Variants in NELL1 observed in about 807,000 individuals in gnomAD.
The protein encoded by NELL1 is protein kinase C-binding protein NELL1.
Under a neutral mutation model 107.4 loss-of-function variants are expected in NELL1, and 76 were observed. The observed-to-expected ratio is 0.71, with a 90% CI of 0.59 to 0.86. The LOEUF (loss-of-function observed/expected upper bound fraction) is 0.86, where lower values mean the gene tolerates loss of function less well. NELL1 is among the 40% of genes least tolerant of loss of function. The probability of loss-of-function intolerance (pLI) is 0.00; values close to 1 mark genes in which losing one functional copy is unlikely to be tolerated. For synonymous variants in NELL1, 353 were observed against 341.2 expected, an observed-to-expected ratio of 1.03 and a Z score of -0.38; for missense variants, 1,024 against 1,005.5, an observed-to-expected ratio of 1.02 and a Z score of -0.25.
At chr11:21,207,919 A>G (rs1857423001) in intron 13 of NELL1, among the ~76,000 whole-genome samples, 2 of 152,204 alleles carry the variant, frequency 1.3e-5, no homozygotes, top group African/African-American at 4.8e-5. Flanking sequence ...TTTGTTGTGT[A>G]TAAGTTATAC....
At chr11:21,150,602 A>G (rs1856093068) in intron 13 of NELL1, among the ~76,000 whole-genome samples, 1 of 152,206 alleles carries the variant, frequency 6.6e-6, no homozygotes, top group African/African-American at 2.4e-5. Context: ...GGACACTGAG[A>G]TAAAAGTATG....
At chr11:20,853,074 T>C (rs187676677) in intron 4 of NELL1, among the ~76,000 whole-genome samples, 3 of 152,318 alleles carry the variant, frequency 2.0e-5, no homozygotes, top group African/African-American at 7.2e-5. Context: ...AGTTTCACCA[T>C]TATGTGATCT....
chr11:21,407,580 A>G (rs1168480745), intron 15 of NELL1, among the ~76,000 whole-genome samples: 1 of 151,634 alleles, frequency 6.6e-6, no homozygotes, highest in Admixed American at 6.6e-5. Flanking sequence ...GCCCAACTCT[A>G]GTTACTTAAC....
At chr11:21,310,737 T>C (rs867691885) in intron 14 of NELL1, among the ~76,000 whole-genome samples, 1 of 151,974 alleles carries the variant, frequency 6.6e-6, no homozygotes, top group African/African-American at 2.4e-5. Context: ...TTATAGGCTA[T>C]GTATAGAATG....
chr11:21,392,656 TG>T (rs1851904749), intron 15 of NELL1, among the ~76,000 whole-genome samples: 1 of 151,946 alleles, frequency 6.6e-6, no homozygotes, highest in East Asian at 2.0e-4. Context: ...CAAGAAGTCC[TG>T]GTCATTGTGA....
At chr11:20,848,300 C>A (rs923110626) in intron 4 of NELL1, among the ~76,000 whole-genome samples, 10 of 152,168 alleles carry the variant, frequency 6.6e-5, no homozygotes, top group African/African-American at 2.2e-4. Context: ...AATGAGCCTT[C>A]CAGCTTGTCA....
intron 14 of NELL1, among the ~76,000 whole-genome samples, chr11:21,293,126 C>T (rs1374561714): frequency 1.3e-5 from 2 of 152,102 alleles, no homozygotes; most frequent in South Asian, 2.1e-4. Flanking sequence ...AAACTATCAT[C>T]GGAGTGAACA....
intron 15 of NELL1, among the ~76,000 whole-genome samples, chr11:21,510,074 C>A (rs1855394619): frequency 6.6e-6 from 1 of 152,184 alleles, no homozygotes; most frequent in Non-Finnish European, 1.5e-5. Context: ...TAATTAACAT[C>A]TTCGGCACTT....
intron 14 of NELL1, among the ~76,000 whole-genome samples, chr11:21,244,356 TAGAC>T (rs1253479324): frequency 1.3e-5 from 2 of 152,120 alleles, no homozygotes; most frequent in African/African-American, 4.8e-5. Flanking sequence ...TTACAGCCAT[TAGAC>T]AGAGAAGAGC....
chr11:20,753,171 G>A (rs1354265623), intron 2 of NELL1, among the ~76,000 whole-genome samples: 1 of 152,190 alleles, frequency 6.6e-6, no homozygotes, highest in Non-Finnish European at 1.5e-5. Flanking sequence ...AACAAATTTA[G>A]TTTTGGTCAT....
intron 5 of NELL1, among the ~76,000 whole-genome samples, chr11:20,890,441 CAG>C (rs1195853649): frequency 6.6e-6 from 1 of 152,046 alleles, no homozygotes; most frequent in East Asian, 1.9e-4. Context: ...CCCAAAAGGC[CAG>C]AGTGCCTCTT....
chr11:21,039,714 G>C (rs931604225), intron 12 of NELL1, among the ~76,000 whole-genome samples: 2 of 152,048 alleles, frequency 1.3e-5, no homozygotes, highest in African/African-American at 4.8e-5. Context: ...TGGCAGGTTT[G>C]CCTTTATTGA....
chr11:20,893,867 A>AAG (rs914136647), intron 5 of NELL1, among the ~76,000 whole-genome samples: 3 of 151,158 alleles, frequency 2.0e-5, no homozygotes, highest in African/African-American at 7.3e-5. Context: ...AAAAAAAAAA[A>AAG]AAAAGAAAAA....
At chr11:21,051,596 G>A (rs1270535279) in intron 12 of NELL1, among the ~76,000 whole-genome samples, 1 of 152,136 alleles carries the variant, frequency 6.6e-6, no homozygotes, top group African/African-American at 2.4e-5. Context: ...CCAGTGGTTG[G>A]ATTGTTATTA....
chr11:20,690,795 A>T (rs1354838975), intron 2 of NELL1, among the ~76,000 whole-genome samples: 1 of 150,844 alleles, frequency 6.6e-6, no homozygotes, highest in Non-Finnish European at 1.5e-5. Context: ...TGAACTTTAA[A>T]GTAGTTTTTT....
intron 15 of NELL1, among the ~76,000 whole-genome samples, chr11:21,439,494 G>A (rs780546351): frequency 6.6e-6 from 1 of 152,126 alleles, no homozygotes; most frequent in Non-Finnish European, 1.5e-5. Flanking sequence ...CAAGAGCAAA[G>A]GCAGGTGAAC....
At chr11:21,119,979 G>A (rs1044660021) in intron 13 of NELL1, among the ~76,000 whole-genome samples, 2 of 152,078 alleles carry the variant, frequency 1.3e-5, no homozygotes, top group African/African-American at 4.8e-5. Flanking sequence ...TAACGGGTAG[G>A]CATTCATTTT....
At chr11:21,414,141 C>A (rs1564882946) in intron 15 of NELL1, among the ~76,000 whole-genome samples, 1 of 151,934 alleles carries the variant, frequency 6.6e-6, no homozygotes, top group Admixed American at 6.6e-5. Flanking sequence ...GAGCTTGATA[C>A]AGGTGAAAGA....
chr11:21,446,985 AAG>A (rs1470043686), intron 15 of NELL1, among the ~76,000 whole-genome samples: 1 of 152,148 alleles, frequency 6.6e-6, no homozygotes, highest in Non-Finnish European at 1.5e-5. Flanking sequence ...CTGAAACCAC[AAG>A]ACAGAGTTTT....
Sources: allele counts gnomAD v4.1 joint callset (sites outside exome capture counted in the v4.1 genomes callset), GRCh38; gene constraint gnomAD v4.1.1; transcripts MANE v1.5; gene names NCBI Gene and HGNC (gene_info 2026-07-23, HGNC 2026-07-21).